Variants in PELI2 observed in about 807,000 individuals in gnomAD.
PELI2 encodes E3 ubiquitin-protein ligase pellino homolog 2.
A neutral mutation model predicts 42.3 loss-of-function variants in PELI2; 23 were observed. The ratio of observed to expected loss-of-function variants is 0.54; its 90% CI spans 0.39 to 0.77. PELI2 has a LOEUF of 0.77. PELI2 is among the 30% of genes least tolerant of loss of function. PELI2 has a pLI of 0.00. For synonymous variants in PELI2, 245 were observed against 212.2 expected (o/e 1.15, Z -1.34); for missense variants, 463 against 553.2 (o/e 0.84, Z 1.64).
chr14:56,169,265 C>T (rs558349265), intron 1 of PELI2, among the ~76,000 whole-genome samples: 1 of 152,308 alleles, frequency 6.6e-6, no homozygotes, highest in African/African-American at 2.4e-5. Flanking sequence ...ATCACTAGGA[C>T]TCACCTAAGA....
intron 1 of PELI2, among the ~76,000 whole-genome samples, chr14:56,146,428 A>C (rs1031609348): frequency 6.6e-6 from 1 of 152,216 alleles, no homozygotes; most frequent in Non-Finnish European, 1.5e-5. Flanking sequence ...GCATTGGTTC[A>C]GTGGAGAGAG....
chr14:56,130,289 T>A (rs1234306201), intron 1 of PELI2, among the ~76,000 whole-genome samples: 1 of 152,174 alleles, frequency 6.6e-6, no homozygotes, highest in Admixed American at 6.5e-5. Flanking sequence ...CCATCACTCA[T>A]CATTTTATGC....
At chr14:56,147,659 C>A (rs1057428416) in intron 1 of PELI2, among the ~76,000 whole-genome samples, 2 of 152,114 alleles carry the variant, frequency 1.3e-5, no homozygotes, top group Non-Finnish European at 2.9e-5. Flanking sequence ...GGAAAATACC[C>A]CTATAGTGAT....
chr14:56,160,240 C>T (rs916809240), intron 1 of PELI2, among the ~76,000 whole-genome samples: 2 of 152,068 alleles, frequency 1.3e-5, no homozygotes, highest in Non-Finnish European at 2.9e-5. Context: ...CTGCCCTTAC[C>T]TCCCCACACC....
chr14:56,153,203 T>G (rs1284617333), intron 1 of PELI2, among the ~76,000 whole-genome samples: 1 of 152,266 alleles, frequency 6.6e-6, no homozygotes, highest in East Asian at 1.9e-4. Context: ...TTAGATCTCT[T>G]CACAAACTCA....
chr14:56,203,817 G>T (rs1207617128), intron 2 of PELI2, among the ~76,000 whole-genome samples: 1 of 152,076 alleles, frequency 6.6e-6, no homozygotes, highest in Non-Finnish European at 1.5e-5. Context: ...TATACAGGAG[G>T]TCTCACCCTA....
Position 56,219,219 on chromosome 14 carries a change from G to T in PELI2, c.207+40755G>T, listed in dbSNP as rs927941736. ...TATTTATTTATTTTGGTTTTAAGGA[G>T]CAGAGAGTTTAATAGGCAAGAAGGA... On this transcript the variant is annotated intron_variant, in intron 2 of 5. Transcript: ENST00000267460. The surrounding 1 kb of genome is among the most constrained non-coding windows in gnomAD (Gnocchi z 4.1). Among the ~76,000 whole-genome samples, 1 of 151,894 alleles carries T rather than the reference G, an allele frequency of 6.6e-6. No homozygotes were observed. The highest frequency in any genetic ancestry group is 1.5e-5 in the Non-Finnish European group (1 of 67,986).
chr14:56,237,965 C>T (rs1364113156), intron 2 of PELI2, among the ~76,000 whole-genome samples: 1 of 151,890 alleles, frequency 6.6e-6, no homozygotes, highest in Non-Finnish European at 1.5e-5. Context: ...GAATTATGGA[C>T]AGTATGTCTT....
intron 2 of PELI2, among the ~76,000 whole-genome samples, chr14:56,194,244 C>A (rs1232953996): frequency 6.6e-6 from 1 of 152,184 alleles, no homozygotes; most frequent in Admixed American, 6.5e-5. Flanking sequence ...TCTCTCCCTG[C>A]AGGCTCAGGT....
At chr14:56,151,880 A>T (rs921973540) in intron 1 of PELI2, among the ~76,000 whole-genome samples, 1 of 152,196 alleles carries the variant, frequency 6.6e-6, no homozygotes, top group Non-Finnish European at 1.5e-5. Context: ...ATGACACCTA[A>T]GTCTTATAGT....
chr14:56,207,251 T>C (rs1886550903), intron 2 of PELI2, among the ~76,000 whole-genome samples: 1 of 152,200 alleles, frequency 6.6e-6, no homozygotes, highest in Non-Finnish European at 1.5e-5. Context: ...TAAACCTTAA[T>C]GTTCCTGTCA....
At chr14:56,198,428 A>G (rs1218140613) in intron 2 of PELI2, among the ~76,000 whole-genome samples, 1 of 152,210 alleles carries the variant, frequency 6.6e-6, no homozygotes, top group Non-Finnish European at 1.5e-5. Context: ...ATCATGGAGC[A>G]TGAGAGGAGT....
chr14:56,297,748 A>C lies in PELI2; in HGVS notation c.*582A>C, dbSNP rs748893869. The stretch of plus-strand genomic sequence containing the variant: ...TTATTTTTCTGACTTGTTGGGGGAG[A>C]GAATATTCATAACTTGTGGGCTTTT... On this transcript the variant is annotated 3_prime_UTR_variant, in exon 6 of 6. Coordinates refer to ENST00000267460, the MANE Select transcript of PELI2 (RefSeq NM_021255.3). 10 of 150,856 alleles carry C rather than the reference A, an allele frequency of 6.6e-5. No homozygotes were observed. The highest frequency in any genetic ancestry group is 8.8e-5 in the Non-Finnish European group (6 of 67,874). The allele number at this position is 150,856 out of a possible 1,614,324, so 9.3% of individuals were successfully genotyped here. A position where few individuals can be genotyped will look rare whatever the true frequency, so the allele number is the denominator to read the frequency against.
intron 1 of PELI2, among the ~76,000 whole-genome samples, chr14:56,150,210 A>G (rs548208275): frequency 1.4e-4 from 22 of 152,362 alleles, no homozygotes; most frequent in African/African-American, 5.0e-4. Flanking sequence ...GTAACTGTCA[A>G]GTGTGTCTGG....
At chr14:56,255,540 A>G (rs1450550973) in intron 2 of PELI2, among the ~76,000 whole-genome samples, 1 of 152,136 alleles carries the variant, frequency 6.6e-6, no homozygotes, top group Non-Finnish European at 1.5e-5. Context: ...TGTAGATGAC[A>G]GGTTGATGGG....
At position 56,296,077 on chromosome 14, in the gene PELI2, C is replaced by G. The variant is rs553655674; in HGVS notation, c.697-523C>G. Among the ~76,000 whole-genome samples the G allele has an allele frequency of 2.6e-5, 4 of 152,324 alleles. No individual in the cohort carries two copies. The East Asian group carries it at 7.7e-4, about 29-fold the overall frequency. On this transcript the variant is annotated intron_variant, in intron 5 of 5. Transcript: ENST00000267460. ...TCATGTTGAACTGTTTAGCTTCAAA[C>G]CTTAAAAATGAATGATGAAAGATAG...
chr14:56,152,218 A>G (rs1045371324), intron 1 of PELI2, among the ~76,000 whole-genome samples: 5 of 152,220 alleles, frequency 3.3e-5, no homozygotes, highest in African/African-American at 1.2e-4. Context: ...TGGACAGGTT[A>G]GATTCCCAGT....
intron 2 of PELI2, among the ~76,000 whole-genome samples, chr14:56,235,939 G>T (rs1887777379): frequency 6.6e-6 from 1 of 152,136 alleles, no homozygotes; most frequent in Admixed American, 6.6e-5. Context: ...CATTATCTAT[G>T]TAAATACAAG....
Position 56,197,468 on chromosome 14 carries a change from G to A in PELI2, c.207+19004G>A, listed in dbSNP as rs1001364493. Among the ~76,000 whole-genome samples the A allele has an allele frequency of 1.3e-5, 2 of 152,128 alleles. No individual in the cohort carries two copies. The highest frequency in any genetic ancestry group is 4.8e-5 in the African/African-American group (2 of 41,416). ...GGCTTTAATCTGGTTGCAATAGGAA[G>A]CTGTTGGGTGTTTGGGGAGACATTT... On this transcript the variant is annotated intron_variant, in intron 2 of 5. Transcript: ENST00000267460. The surrounding 1 kb of genome is among the most constrained non-coding windows in gnomAD (Gnocchi z 4.9).
Sources: allele counts gnomAD v4.1 joint callset (sites outside exome capture counted in the v4.1 genomes callset), GRCh38; gene constraint gnomAD v4.1.1; non-coding constraint Gnocchi (gnomAD v3.1); transcripts MANE v1.5; gene names NCBI Gene and HGNC (gene_info 2026-07-23, HGNC 2026-07-21).